The following SLC24A3 variants were observed in gnomAD, a reference collection of about 807,000 sequenced individuals.
SLC24A3 encodes the protein sodium/potassium/calcium exchanger 3.
Under a neutral mutation model 75.8 loss-of-function variants are expected in SLC24A3, and 28 were observed. That is an observed-to-expected ratio of 0.37 (90% CI 0.27 to 0.51). SLC24A3 has a LOEUF of 0.51. SLC24A3 is among the 20% of genes least tolerant of loss of function. SLC24A3 has a pLI of 0.94. For synonymous variants in SLC24A3, 372 were observed against 334.1 expected (o/e 1.11, Z -1.24); for missense variants, 663 against 847.8 (o/e 0.78, Z 2.71).
At chr20:19,487,993 A>G (rs1988152729) in intron 2 of SLC24A3, among the ~76,000 whole-genome samples, 1 of 152,228 alleles carries the variant, frequency 6.6e-6, no homozygotes, top group Non-Finnish European at 1.5e-5. Context: ...AAATTGAAAG[A>G]TGTGTCAATG....
intron 2 of SLC24A3, among the ~76,000 whole-genome samples, chr20:19,507,659 A>C (rs983708975): frequency 5.9e-5 from 9 of 152,212 alleles, no homozygotes; most frequent in African/African-American, 2.2e-4. Flanking sequence ...AGCAAGCTGC[A>C]TGGCCTTACC....
chr20:19,479,506 CCT>C (rs572743364), intron 2 of SLC24A3, among the ~76,000 whole-genome samples: 30 of 152,304 alleles, frequency 2.0e-4, no homozygotes, highest in South Asian at 1.0e-3. Context: ...GGAGCAAACC[CCT>C]GAGTGAAGAT....
chr20:19,362,724 G>T (rs1985812296), intron 2 of SLC24A3, among the ~76,000 whole-genome samples: 3 of 152,212 alleles, frequency 2.0e-5, no homozygotes. Flanking sequence ...TGTGTCCCCT[G>T]CTGTTTCTAC....
intron 7 of SLC24A3, among the ~76,000 whole-genome samples, chr20:19,655,173 G>A (rs929771166): frequency 1.3e-5 from 2 of 152,274 alleles, no homozygotes; most frequent in South Asian, 2.1e-4. Context: ...CCGGCCTGAC[G>A]CAGCAGCTGC....
rs76005533 is a variant in SLC24A3, at chr20:19,346,965, A to G, written c.271+65878A>G. 7.8e-3 allele frequency among the ~76,000 whole-genome samples: 1,183 copies of G among 152,352 alleles called. 23 individuals carry two copies. Among genetic ancestry groups the G allele is most frequent in the African/African-American group, 0.027 (1,127 of 41,582 alleles). On this transcript the variant is annotated intron_variant, in intron 2 of 16. Transcript: ENST00000328041. ...ATAGACAGCCCCAAATTTGGAAGCA[A>G]CCAAGATGTGCTTCAACAGATACAT...
chr20:19,221,561 A>C (rs1351499382), intron 1 of SLC24A3, among the ~76,000 whole-genome samples: 2 of 152,194 alleles, frequency 1.3e-5, no homozygotes, highest in Non-Finnish European at 2.9e-5. Flanking sequence ...GTGCTTTAAA[A>C]TATATTCCTT....
chr20:19,418,742 A>T (rs1296286436), intron 2 of SLC24A3, among the ~76,000 whole-genome samples: 2 of 152,070 alleles, frequency 1.3e-5, no homozygotes, highest in African/African-American at 2.4e-5. Context: ...ATTCTTAGAG[A>T]AGTGGATAAT....
intron 2 of SLC24A3, among the ~76,000 whole-genome samples, chr20:19,352,758 T>G (rs6046010): frequency 0.37 from 55,847 of 151,992 alleles, 10,608 homozygotes; most frequent in Middle Eastern, 0.54. Flanking sequence ...AGAGACATTG[T>G]GTAGGAATTT....
intron 2 of SLC24A3, among the ~76,000 whole-genome samples, chr20:19,327,839 T>G (rs553765645): frequency 6.6e-6 from 1 of 152,320 alleles, no homozygotes; most frequent in East Asian, 1.9e-4. Flanking sequence ...TGTCACTCAT[T>G]ATGTGTTCTG....
chr20:19,567,781 T>C (rs1600283628), intron 3 of SLC24A3, among the ~76,000 whole-genome samples: 2 of 152,114 alleles, frequency 1.3e-5, no homozygotes, highest in African/African-American at 2.4e-5. Context: ...AAAAAATAAA[T>C]TGGAATACAT....
intron 1 of SLC24A3, among the ~76,000 whole-genome samples, chr20:19,252,422 G>C (rs1982685620): frequency 6.6e-6 from 1 of 152,162 alleles, no homozygotes; most frequent in Non-Finnish European, 1.5e-5. Flanking sequence ...ACCAAGGCTT[G>C]GAGTAAGAAG....
rs990428407 is a variant in SLC24A3 at position 19,432,254 on chromosome 20, G to A, written c.272-83234G>A. 1.4e-4 allele frequency among the ~76,000 whole-genome samples: 19 copies of A among 138,244 alleles called. No individual in the cohort carries two copies. In the East Asian group the frequency reaches 4.2e-3, roughly 31 times the overall value. The allele number at this position is 138,244 out of a possible 152,430, so 90.7% of individuals were successfully genotyped here. On this transcript the variant is annotated intron_variant, in intron 2 of 16. Coordinates refer to ENST00000328041, the MANE Select transcript of SLC24A3 (RefSeq NM_020689.4). ...ACTATCATTTTTACAGAATCAAACA[G>A]ATTTATATATATCTGTTTTATATAT...
chr20:19,489,932 A>G (rs548258305), intron 2 of SLC24A3, among the ~76,000 whole-genome samples: 1 of 152,258 alleles, frequency 6.6e-6, no homozygotes, highest in East Asian at 1.9e-4. Context: ...TGAATCCAGC[A>G]CTAGATTTAG....
At chr20:19,275,861 TGC>T (rs1421902917) in intron 1 of SLC24A3, among the ~76,000 whole-genome samples, 11 of 152,136 alleles carry the variant, frequency 7.2e-5, no homozygotes, top group African/African-American at 2.7e-4. Context: ...TCCTGCAGAC[TGC>T]CTCCACCCGT....
chr20:19,361,071 C>T (rs939466995), intron 2 of SLC24A3, among the ~76,000 whole-genome samples: 1 of 152,240 alleles, frequency 6.6e-6, no homozygotes, highest in Non-Finnish European at 1.5e-5. Flanking sequence ...TCGTGATCCA[C>T]CTGCCTTGGC....
intron 1 of SLC24A3, among the ~76,000 whole-genome samples, chr20:19,226,783 A>G (rs1236670433): frequency 1.3e-5 from 2 of 152,222 alleles, no homozygotes; most frequent in African/African-American, 2.4e-5. Context: ...CAAAGTTTCT[A>G]TGTGGTCAAG....
intron 2 of SLC24A3, among the ~76,000 whole-genome samples, chr20:19,415,005 G>A (rs1201884620): frequency 6.6e-6 from 1 of 152,116 alleles, no homozygotes; most frequent in Non-Finnish European, 1.5e-5. Context: ...CTTATAGTAT[G>A]TATCTTTAGT....
chr20:19,567,262 G>A (rs1477368817), intron 3 of SLC24A3, among the ~76,000 whole-genome samples: 1 of 152,096 alleles, frequency 6.6e-6, no homozygotes, highest in African/African-American at 2.4e-5. Flanking sequence ...GCAAAGACAT[G>A]GAATCAACTT....
rs564645724 is a variant in SLC24A3, at chr20:19,653,740, T to C, written c.613-322T>C. Among the ~76,000 whole-genome samples, 8 of 152,324 alleles carry C rather than the reference T, an allele frequency of 5.3e-5. 1 individual carries two copies. Among genetic ancestry groups the C allele is most frequent in the African/African-American group, 1.4e-4 (6 of 41,570 alleles). On this transcript the variant is annotated intron_variant, in intron 6 of 16. Coordinates refer to ENST00000328041, the MANE Select transcript of SLC24A3 (RefSeq NM_020689.4). ...TCAGACTGCGTGCCAGCTAGGACAG[T>C]GCACCCAACCATCCCTGTCTCCACG...
Sources: allele counts gnomAD v4.1 joint callset (sites outside exome capture counted in the v4.1 genomes callset), GRCh38; gene constraint gnomAD v4.1.1; transcripts MANE v1.5; gene names NCBI Gene and HGNC (gene_info 2026-07-23, HGNC 2026-07-21).